NFIB: variants seen among roughly 807,000 people sequenced by gnomAD.
The protein encoded by NFIB is nuclear factor 1 B-type.
In NFIB, 11 loss-of-function variants were observed where a neutral mutation model predicts 61.5. That is an observed-to-expected ratio of 0.18 (90% CI 0.11 to 0.30). NFIB has a LOEUF of 0.30. NFIB is among the 10% of genes least tolerant of loss of function. The pLI is 1.00. For missense variants in NFIB, 471 were observed against 608.9 expected, an observed-to-expected ratio of 0.77 and a Z score of 2.38; for synonymous variants, 260 against 216.5, an observed-to-expected ratio of 1.20 and a Z score of -1.76.
intron 1 of NFIB, among the ~76,000 whole-genome samples, chr9:14,332,500 G>A (rs1181925481): frequency 6.6e-6 from 1 of 152,064 alleles, no homozygotes; most frequent in Non-Finnish European, 1.5e-5. Context: ...ACAGCATCTT[G>A]AGCAACTGCA....
intron 10 of NFIB, 27 bp downstream of exon 10, chr9:14,112,972 C>G (rs1016333200): frequency 1.9e-5 from 30 of 1,547,116 alleles, no homozygotes; most frequent in Middle Eastern, 1.7e-4. Context: ...GTGGCTACAC[C>G]GTCACACCTG....
chr9:14,523,516 C>T, the NFIB span, among the ~76,000 whole-genome samples: 1 of 151,972 alleles, frequency 6.6e-6, no homozygotes, highest in East Asian at 1.9e-4. Flanking sequence ...CAGAGACCTT[C>T]CCGACATCGC....
intron 3 of NFIB, among the ~76,000 whole-genome samples, chr9:14,167,450 T>A (rs1410057732): frequency 6.6e-6 from 1 of 152,104 alleles, no homozygotes; most frequent in South Asian, 2.1e-4. Context: ...TGAGAATTGC[T>A]TGAACCTGGG....
At chr9:14,512,125 A>AT in the NFIB span, among the ~76,000 whole-genome samples, 1 of 152,118 alleles carries the variant, frequency 6.6e-6, no homozygotes, top group Non-Finnish European at 1.5e-5. Context: ...TTCGCGTTGT[A>AT]TTTTCTAACT....
the NFIB span, among the ~76,000 whole-genome samples, chr9:14,448,964 C>T: frequency 2.6e-5 from 4 of 152,002 alleles, no homozygotes; most frequent in South Asian, 2.1e-4. Flanking sequence ...TGAGTCAATG[C>T]TAGGGTAGAA....
chr9:14,216,789 C>A (rs1228182424), intron 2 of NFIB, among the ~76,000 whole-genome samples: 2 of 152,100 alleles, frequency 1.3e-5, no homozygotes, highest in East Asian at 1.9e-4. Flanking sequence ...TTGCTTTCAG[C>A]CAAATTTTCT....
intron 10 of NFIB, among the ~76,000 whole-genome samples, chr9:14,108,558 T>C (rs562089597): frequency 7.2e-4 from 110 of 152,178 alleles, no homozygotes; most frequent in African/African-American, 2.5e-3. Context: ...AGACCAGTAA[T>C]TGAAATTCAA....
At chr9:14,340,739 G>A (rs1272822934) in intron 1 of NFIB, among the ~76,000 whole-genome samples, 1 of 152,208 alleles carries the variant, frequency 6.6e-6, no homozygotes, top group Admixed American at 6.5e-5. Flanking sequence ...TATTAATCTG[G>A]TGGTGGTATT....
At chr9:14,145,204 T>TA (rs1343488469) in intron 6 of NFIB, among the ~76,000 whole-genome samples, 2 of 152,072 alleles carry the variant, frequency 1.3e-5, no homozygotes, top group African/African-American at 4.8e-5. Context: ...CCATCTCTAT[T>TA]ATTTCCCTCC....
At chr9:14,352,970 C>G (rs975262189) in intron 1 of NFIB, among the ~76,000 whole-genome samples, 1 of 152,158 alleles carries the variant, frequency 6.6e-6, no homozygotes, top group African/African-American at 2.4e-5. Context: ...TCATTTATTA[C>G]TGAATCTTTG....
chr9:14,281,884 G>A (rs186598555), intron 2 of NFIB, among the ~76,000 whole-genome samples: 2 of 152,074 alleles, frequency 1.3e-5, no homozygotes, highest in East Asian at 3.9e-4. Context: ...GTGAACATAA[G>A]AATGACTAAA....
At chr9:14,208,409 C>T (rs1238137453) in intron 2 of NFIB, among the ~76,000 whole-genome samples, 1 of 152,152 alleles carries the variant, frequency 6.6e-6, no homozygotes, top group Non-Finnish European at 1.5e-5. Context: ...ATTATTCTCA[C>T]GTCTACTTGT....
chr9:14,230,492 G>C (rs973930108), intron 2 of NFIB, among the ~76,000 whole-genome samples: 7 of 152,208 alleles, frequency 4.6e-5, no homozygotes, highest in Non-Finnish European at 8.8e-5. Flanking sequence ...CTCCTAGAAT[G>C]TAAGTCCCAT....
upstream of NFIB, among the ~76,000 whole-genome samples, chr9:14,402,559 TA>T (rs1375138405): frequency 6.6e-6 from 1 of 152,112 alleles, no homozygotes; most frequent in Non-Finnish European, 1.5e-5. Flanking sequence ...TTCTCAGATT[TA>T]AAAAAATTAA....
At chr9:14,422,835 G>C in the NFIB span, among the ~76,000 whole-genome samples, 3 of 152,192 alleles carry the variant, frequency 2.0e-5, no homozygotes, top group Non-Finnish European at 2.9e-5. Context: ...GGGAGAAGTT[G>C]AAAGTAGCAA....
At chr9:14,511,172 A>G in the NFIB span, among the ~76,000 whole-genome samples, 70 of 152,306 alleles carry the variant, frequency 4.6e-4, no homozygotes, top group Non-Finnish European at 8.5e-4. Context: ...ACTAGGAATC[A>G]TGAATGTTTA....
chr9:14,182,728 G>C (rs866901930), intron 2 of NFIB, among the ~76,000 whole-genome samples: 105 of 149,468 alleles, frequency 7.0e-4, no homozygotes, highest in African/African-American at 1.7e-3. Flanking sequence ...GTGTGTGTGT[G>C]TGTGTGTGTG....
chr9:14,112,333 C>T (rs1168241284), intron 10 of NFIB, among the ~76,000 whole-genome samples: 1 of 152,106 alleles, frequency 6.6e-6, no homozygotes, highest in African/African-American at 2.4e-5. Flanking sequence ...TATAAGCCAC[C>T]ATTAATCCTG....
chr9:14,298,642 A>G, intron 2 of NFIB, among the ~76,000 whole-genome samples: 1 of 152,146 alleles, frequency 6.6e-6, no homozygotes, highest in East Asian at 1.9e-4. Context: ...GCTACTGCAG[A>G]CGGACGCCTT....
Sources: allele counts gnomAD v4.1 joint callset (sites outside exome capture counted in the v4.1 genomes callset), GRCh38; gene constraint gnomAD v4.1.1; transcripts MANE v1.5; gene names NCBI Gene and HGNC (gene_info 2026-07-23, HGNC 2026-07-21).